BCKDHB: variants seen among roughly 807,000 people sequenced by gnomAD.
BCKDHB encodes branched chain keto acid dehydrogenase E1 subunit beta.
In BCKDHB, 41 loss-of-function variants were observed where a neutral mutation model predicts 48.5. The observed-to-expected ratio is 0.85, with a 90% CI of 0.66 to 1.10. The LOEUF is 1.10. Among genes scored for constraint, BCKDHB ranks in the 50% least tolerant of loss-of-function variants. The pLI, the probability that BCKDHB is intolerant of heterozygous loss-of-function variation, is 0.00. For missense variants in BCKDHB, 496 were observed against 494.2 expected (o/e 1.00, Z -0.03); for synonymous variants, 201 against 174.8 (o/e 1.15, Z -1.18).
the BCKDHB span, among the ~76,000 whole-genome samples, chr6:80,452,783 G>A: frequency 6.6e-6 from 1 of 152,172 alleles, no homozygotes; most frequent in Non-Finnish European, 1.5e-5. Flanking sequence ...AACAGCAAAA[G>A]AAGTCTTAAG....
At chr6:80,123,116 T>A (rs1458743772) in intron 1 of BCKDHB, among the ~76,000 whole-genome samples, 1 of 152,158 alleles carries the variant, frequency 6.6e-6, no homozygotes, top group Non-Finnish European at 1.5e-5. Flanking sequence ...TCTTTTTGCC[T>A]GACCCCACAG....
intron 8 of BCKDHB, among the ~76,000 whole-genome samples, chr6:80,206,333 A>G (rs1162504074): frequency 6.6e-6 from 1 of 152,126 alleles, no homozygotes. Context: ...TGGAACTTCT[A>G]TAAACCAGCA....
chr6:80,174,139 T>A (rs1773042878), intron 6 of BCKDHB, among the ~76,000 whole-genome samples: 1 of 152,174 alleles, frequency 6.6e-6, no homozygotes, highest in Non-Finnish European at 1.5e-5. Flanking sequence ...TTTAAATTTC[T>A]TGTGTACATT....
chr6:80,107,567 A>G (rs1051139320), intron 1 of BCKDHB, among the ~76,000 whole-genome samples: 16 of 144,910 alleles, frequency 1.1e-4, no homozygotes, highest in African/African-American at 3.4e-4. Context: ...GCATATATAT[A>G]TGCATATATG....
intron 8 of BCKDHB, among the ~76,000 whole-genome samples, chr6:80,212,663 C>T (rs1269177953): frequency 6.6e-6 from 1 of 152,150 alleles, no homozygotes; most frequent in African/African-American, 2.4e-5. Flanking sequence ...AAAGTAAAGA[C>T]AGGTGTAAGA....
At chr6:80,116,516 T>C (rs1769712385) in intron 1 of BCKDHB, among the ~76,000 whole-genome samples, 1 of 152,232 alleles carries the variant, frequency 6.6e-6, no homozygotes, top group African/African-American at 2.4e-5. Context: ...CTCTTGGAGC[T>C]TATGTTCCAT....
At chr6:80,404,555 T>TA in the BCKDHB span, among the ~76,000 whole-genome samples, 1 of 152,150 alleles carries the variant, frequency 6.6e-6, no homozygotes, top group East Asian at 1.9e-4. Flanking sequence ...TTCTAGCCTC[T>TA]ATCTCGTTTC....
At chr6:80,110,463 C>T (rs1769355600) in intron 1 of BCKDHB, among the ~76,000 whole-genome samples, 2 of 152,168 alleles carry the variant, frequency 1.3e-5, no homozygotes, top group African/African-American at 2.4e-5. Context: ...ACTCCCATTT[C>T]TTAATTAATT....
intron 8 of BCKDHB, among the ~76,000 whole-genome samples, chr6:80,230,212 G>C (rs1322201837): frequency 2.0e-5 from 3 of 150,478 alleles, no homozygotes; most frequent in Non-Finnish European, 4.4e-5. Flanking sequence ...CTAATTTTTT[G>C]TATTTTTAGT....
At chr6:80,295,507 C>G (rs887342330) in intron 9 of BCKDHB, among the ~76,000 whole-genome samples, 8 of 151,864 alleles carry the variant, frequency 5.3e-5, no homozygotes, top group Admixed American at 3.9e-4. Context: ...CGGATCTCTC[C>G]CATGACATAT....
At chr6:80,433,011 G>A in the BCKDHB span, among the ~76,000 whole-genome samples, 1 of 152,196 alleles carries the variant, frequency 6.6e-6, no homozygotes, top group African/African-American at 2.4e-5. Context: ...AGCAAAGATT[G>A]CTTCCTGTTC....
At chr6:80,151,204 GA>G (rs1771758824) in intron 3 of BCKDHB, among the ~76,000 whole-genome samples, 1 of 152,040 alleles carries the variant, frequency 6.6e-6, no homozygotes, top group Non-Finnish European at 1.5e-5. Context: ...TGTGTTTTCT[GA>G]TTCTATTTTT....
intron 9 of BCKDHB, among the ~76,000 whole-genome samples, chr6:80,301,540 T>C (rs1767581126): frequency 6.6e-6 from 1 of 151,926 alleles, no homozygotes; most frequent in Non-Finnish European, 1.5e-5. Flanking sequence ...TTAAGCGCCA[T>C]GAACCAGATA....
intron 3 of BCKDHB, among the ~76,000 whole-genome samples, chr6:80,164,668 A>G (rs959735620): frequency 2.6e-5 from 4 of 152,358 alleles, no homozygotes; most frequent in East Asian, 1.9e-4. Context: ...ATGAATTATT[A>G]TAGTCTTTTC....
the BCKDHB span, among the ~76,000 whole-genome samples, chr6:80,397,598 C>T: frequency 6.6e-6 from 1 of 152,170 alleles, no homozygotes; most frequent in African/African-American, 2.4e-5. Flanking sequence ...AAAGCTTACT[C>T]AAGGCTGAGT....
the BCKDHB span, among the ~76,000 whole-genome samples, chr6:80,359,336 C>T: frequency 6.6e-6 from 1 of 152,122 alleles, no homozygotes; most frequent in Non-Finnish European, 1.5e-5. Context: ...CGCCAAAAAC[C>T]TCTAAAGGCC....
chr6:80,370,364 A>G, the BCKDHB span, among the ~76,000 whole-genome samples: 1 of 152,092 alleles, frequency 6.6e-6, no homozygotes, highest in Non-Finnish European at 1.5e-5. Flanking sequence ...GCCTTTACAT[A>G]TTGGTAGATG....
intron 1 of BCKDHB, among the ~76,000 whole-genome samples, chr6:80,113,186 T>A (rs1183225325): frequency 6.6e-6 from 1 of 152,196 alleles, no homozygotes; most frequent in Non-Finnish European, 1.5e-5. Flanking sequence ...CTGGATGAGC[T>A]GCCATGGCCA....
chr6:80,166,225 C>T (rs189520196), intron 3 of BCKDHB, among the ~76,000 whole-genome samples: 11 of 152,248 alleles, frequency 7.2e-5, no homozygotes, highest in Admixed American at 2.0e-4. Flanking sequence ...GTCTGAAAAA[C>T]GCAACTCTGA....
Sources: allele counts gnomAD v4.1 joint callset (sites outside exome capture counted in the v4.1 genomes callset), GRCh38; gene constraint gnomAD v4.1.1; transcripts MANE v1.5; gene names NCBI Gene and HGNC (gene_info 2026-07-23, HGNC 2026-07-21).